The following CHMP4C variants were observed in gnomAD, a reference collection of about 807,000 sequenced individuals.
The protein encoded by CHMP4C is charged multivesicular body protein 4C, also known as SNF7 homolog associated with Alix 3.
Under a neutral mutation model 29.0 loss-of-function variants are expected in CHMP4C, and 28 were observed. The ratio of observed to expected loss-of-function variants is 0.97; its 90% CI spans 0.72 to 1.32. The LOEUF is 1.32. Among genes scored for constraint, CHMP4C ranks in the 40% most tolerant of loss-of-function variants. CHMP4C has a pLI of 0.00. For synonymous variants in CHMP4C, 106 were observed against 102.4 expected (o/e 1.04, Z -0.21); for missense variants, 291 against 281.0 (o/e 1.04, Z -0.25).
intron 1 of CHMP4C, among the ~76,000 whole-genome samples, chr8:81,733,684 C>T (rs913094486): frequency 6.6e-6 from 1 of 152,176 alleles, no homozygotes; most frequent in Non-Finnish European, 1.5e-5. Flanking sequence ...GTATACTGCT[C>T]CTTCTATTGG....
intron 1 of CHMP4C, among the ~76,000 whole-genome samples, chr8:81,734,779 C>T (rs75796224): frequency 2.0e-5 from 3 of 151,908 alleles, no homozygotes; most frequent in South Asian, 2.1e-4. Context: ...CACAAAAATT[C>T]GATCTCAATT....
At chr8:81,742,977 T>C (rs1808781675) in intron 1 of CHMP4C, among the ~76,000 whole-genome samples, 1 of 152,100 alleles carries the variant, frequency 6.6e-6, no homozygotes, top group Non-Finnish European at 1.5e-5. Context: ...AATTTCAAGG[T>C]AAATCTATTC....
intron 1 of CHMP4C, among the ~76,000 whole-genome samples, chr8:81,750,166 AT>A (rs1246913510): frequency 2.0e-5 from 3 of 152,220 alleles, no homozygotes; most frequent in Non-Finnish European, 2.9e-5. Context: ...CCATTAAAAA[AT>A]GAGCAACTAA....
intron 1 of CHMP4C, among the ~76,000 whole-genome samples, chr8:81,742,845 A>G (rs1808779428): frequency 6.6e-6 from 1 of 152,240 alleles, no homozygotes; most frequent in African/African-American, 2.4e-5. Flanking sequence ...AAGACCCCGT[A>G]TGTAAGAGCC....
intron 1 of CHMP4C, among the ~76,000 whole-genome samples, chr8:81,739,420 G>GGGGGC (rs1554592456): frequency 7.4e-6 from 1 of 135,146 alleles, no homozygotes; most frequent in East Asian, 2.2e-4. Context: ...GGGGATTGTG[G>GGGGGC]GGGGGGGTGG....
intron 2 of CHMP4C, 65 bp downstream of exon 2, chr8:81,753,306 C>A (rs1400003385): frequency 2.3e-6 from 3 of 1,289,784 alleles, no homozygotes; most frequent in East Asian, 2.7e-5. Flanking sequence ...CCTTTGGAAC[C>A]ATATGATGGT....
intron 1 of CHMP4C, among the ~76,000 whole-genome samples, chr8:81,743,990 T>C (rs1394146318): frequency 1.3e-5 from 2 of 152,190 alleles, no homozygotes; most frequent in African/African-American, 2.4e-5. Context: ...TATAGCAATA[T>C]TGCACTTCCA....
chr8:81,748,924 T>TAAAAA (rs34505643), intron 1 of CHMP4C, among the ~76,000 whole-genome samples: 133 of 120,294 alleles, frequency 1.1e-3, no homozygotes, highest in Middle Eastern at 4.3e-3. Context: ...AGACTCTGTG[T>TAAAAA]AAAAAAAAAA....
In CHMP4C at chr8:81,741,609, T is replaced by C. The variant is rs192658096; in HGVS notation, c.190+8793T>C. Among the ~76,000 whole-genome samples the C allele has an allele frequency of 2.3e-3, 354 of 152,072 alleles. 1 individual carries two copies. Among genetic ancestry groups the C allele is most frequent in the Middle Eastern group, 6.8e-3 (2 of 294 alleles). On this transcript the variant is annotated intron_variant, in intron 1 of 4. Transcript: ENST00000297265. ...AAGGTTTGGCTTTGGGGGTCAGCTT[T>C]GGAATGGGTAAGAATGATCTATTTT...
chr8:81,749,883 A>G (rs979293424), intron 1 of CHMP4C, among the ~76,000 whole-genome samples: 1 of 152,180 alleles, frequency 6.6e-6, no homozygotes, highest in Non-Finnish European at 1.5e-5. Flanking sequence ...AAAGGTCACT[A>G]TTGCTATGCA....
intron 1 of CHMP4C, among the ~76,000 whole-genome samples, chr8:81,750,058 A>G (rs1808878182): frequency 6.6e-6 from 1 of 152,178 alleles, no homozygotes; most frequent in Non-Finnish European, 1.5e-5. Flanking sequence ...ATGCAATAGA[A>G]AAGAAAACCT....
Position 81,732,836 on chromosome 8 carries a change from AC to A in CHMP4C, c.190+21del. The A allele has an allele frequency of 6.2e-7, 1 of 1,603,488 alleles. No individual in the cohort carries two copies. Among genetic ancestry groups the A allele is most frequent in the South Asian group, 1.1e-5 (1 of 89,188 alleles). On this transcript the variant is annotated intron_variant, in intron 1 of 4. Transcript: ENST00000297265. ...AGCGAGGTAGGCTGGGGTCTGGCCC[AC>A]AGGCGGGAGCCCATCTGCCTCTAGC...
intron 1 of CHMP4C, 33 bp downstream of exon 1, chr8:81,732,849 C>G (rs189321535): frequency 2.5e-6 from 4 of 1,588,934 alleles, no homozygotes; most frequent in Non-Finnish European, 3.4e-6. Flanking sequence ...GGCGGGAGCC[C>G]ATCTGCCTCT....
At chr8:81,746,822 G>A (rs1320743679) in intron 1 of CHMP4C, among the ~76,000 whole-genome samples, 2 of 152,106 alleles carry the variant, frequency 1.3e-5, no homozygotes, top group Admixed American at 1.3e-4. Context: ...ACAATTGTAA[G>A]GTTCAGTGTC....
rs1409925220 is a variant in CHMP4C at position 81,759,158 on chromosome 8, A to C, written c.*614A>C. ...CCTTTTAGTAGAGGAGTCTTATATGAGTCTCTACATAAGTAGTTTCACTTG... is the reference window on the plus strand; with the variant it reads ...CCTTTTAGTAGAGGAGTCTTATATGCGTCTCTACATAAGTAGTTTCACTTG... On this transcript the variant is annotated 3_prime_UTR_variant, in exon 5 of 5. Coordinates refer to ENST00000297265, the MANE Select transcript of CHMP4C (RefSeq NM_152284.4). 6.6e-6 allele frequency: 1 copy of C among 152,618 alleles called. No homozygotes were observed. The highest frequency in any genetic ancestry group is 1.5e-5 in the Non-Finnish European group (1 of 68,050). 9.5% of individuals were successfully genotyped at this position (152,618 alleles called of 1,614,324 possible).
At chr8:81,757,311 C>T (rs1400215227) in intron 3 of CHMP4C, among the ~76,000 whole-genome samples, 2 of 152,154 alleles carry the variant, frequency 1.3e-5, no homozygotes, top group Non-Finnish European at 2.9e-5. Flanking sequence ...GAAAAATCTA[C>T]TTGGTTGAAT....
intron 1 of CHMP4C, among the ~76,000 whole-genome samples, chr8:81,737,527 G>A (rs926081106): frequency 2.6e-5 from 4 of 152,016 alleles, no homozygotes; most frequent in Non-Finnish European, 5.9e-5. Flanking sequence ...TTTATTTTTT[G>A]CTTAAATATA....
At chr8:81,745,132 GTA>G (rs1740942616) in intron 1 of CHMP4C, among the ~76,000 whole-genome samples, 1 of 152,136 alleles carries the variant, frequency 6.6e-6, no homozygotes, top group South Asian at 2.1e-4. Context: ...GAGGTGATTT[GTA>G]TATGAGTAAG....
At chr8:81,738,539 G>A (rs1049635674) in intron 1 of CHMP4C, among the ~76,000 whole-genome samples, 1 of 152,076 alleles carries the variant, frequency 6.6e-6, no homozygotes, top group African/African-American at 2.4e-5. Context: ...GAACCTCCTC[G>A]GTCTCTTAAT....
Sources: allele counts gnomAD v4.1 joint callset (sites outside exome capture counted in the v4.1 genomes callset), GRCh38; gene constraint gnomAD v4.1.1; transcripts MANE v1.5; gene names NCBI Gene and HGNC (gene_info 2026-07-23, HGNC 2026-07-21).